BBX: variants seen among roughly 807,000 people sequenced by gnomAD.
BBX encodes the protein BBX high mobility group box domain containing.
Under a neutral mutation model 100.2 loss-of-function variants are expected in BBX, and 30 were observed. The observed-to-expected ratio is 0.30, with a 90% CI of 0.22 to 0.41. The LOEUF is 0.41. BBX is among the 10% of genes least tolerant of loss of function. The pLI is 1.00. For synonymous variants in BBX, 376 were observed against 388.1 expected (o/e 0.97, Z 0.37); for missense variants, 1,023 against 1,129.8 (o/e 0.91, Z 1.35).
intron 3 of BBX, among the ~76,000 whole-genome samples, chr3:107,672,979 A>AT (rs2059097812): frequency 6.6e-6 from 1 of 152,078 alleles, no homozygotes; most frequent in Admixed American, 6.6e-5. Context: ...TTTCATCTTG[A>AT]ACAGGTTCTA....
At chr3:107,643,156 G>A (rs1424574022) in intron 2 of BBX, among the ~76,000 whole-genome samples, 1 of 152,080 alleles carries the variant, frequency 6.6e-6, no homozygotes, top group African/African-American at 2.4e-5. Flanking sequence ...GTAGGAGGTG[G>A]CACCTCACCT....
At chr3:107,526,548 T>G (rs1576167328) in intron 2 of BBX, 150 bp downstream of exon 2, 1 of 394,298 alleles carries the variant, frequency 2.5e-6, no homozygotes, top group East Asian at 3.6e-5. Context: ...TAAGTCAGTT[T>G]ATGATTCTTA....
At chr3:107,626,523 T>G (rs1002397597) in intron 2 of BBX, among the ~76,000 whole-genome samples, 6 of 152,194 alleles carry the variant, frequency 3.9e-5, no homozygotes, top group Admixed American at 1.3e-4. Context: ...TGGCTTAGGC[T>G]CTATTCATGG....
chr3:107,583,935 A>G (rs2052476255), intron 2 of BBX, among the ~76,000 whole-genome samples: 1 of 102,070 alleles, frequency 9.8e-6, no homozygotes, highest in African/African-American at 4.0e-5. Context: ...TATAATATAT[A>G]TATTATATAT....
At chr3:107,741,375 A>G (rs1369484165) in intron 7 of BBX, among the ~76,000 whole-genome samples, 2 of 152,166 alleles carry the variant, frequency 1.3e-5, no homozygotes, top group Non-Finnish European at 2.9e-5. Context: ...CTCCCCTTCC[A>G]TGGTTATTGA....
intron 10 of BBX, among the ~76,000 whole-genome samples, chr3:107,768,254 G>C (rs1488308438): frequency 2.6e-5 from 4 of 152,134 alleles, no homozygotes; most frequent in Non-Finnish European, 5.9e-5. Context: ...TTTTCTATTT[G>C]GTATAGTTAC....
chr3:107,675,539 A>G (rs571519698), intron 3 of BBX, among the ~76,000 whole-genome samples: 1 of 152,202 alleles, frequency 6.6e-6, no homozygotes, highest in Non-Finnish European at 1.5e-5. Context: ...CTCTCTTCTC[A>G]TGATCATGGA....
intron 12 of BBX, among the ~76,000 whole-genome samples, chr3:107,775,689 T>C (rs1576751728): frequency 6.6e-6 from 1 of 152,152 alleles, no homozygotes; most frequent in Admixed American, 6.5e-5. Flanking sequence ...TTGGGTGTAT[T>C]GTATTTGATT....
intron 13 of BBX, 22 bp downstream of exon 13, chr3:107,778,541 C>T (rs769573404): frequency 6.2e-7 from 1 of 1,608,594 alleles, no homozygotes; most frequent in Non-Finnish European, 8.5e-7. Context: ...CCTGTACCTT[C>T]CTGCCATGTG....
At chr3:107,574,618 G>A (rs976300590) in intron 2 of BBX, among the ~76,000 whole-genome samples, 1 of 152,066 alleles carries the variant, frequency 6.6e-6, no homozygotes. Flanking sequence ...AATAAAATGG[G>A]TGAAAAGGTA....
intron 13 of BBX, among the ~76,000 whole-genome samples, chr3:107,789,021 C>T (rs1427071581): frequency 6.6e-6 from 1 of 152,016 alleles, no homozygotes; most frequent in Non-Finnish European, 1.5e-5. Flanking sequence ...GAGGGTGGGG[C>T]TATGCCATGG....
chr3:107,654,955 T>A (rs981455083), intron 3 of BBX, among the ~76,000 whole-genome samples: 2 of 152,146 alleles, frequency 1.3e-5, no homozygotes, highest in Non-Finnish European at 2.9e-5. Context: ...AAGTAAAAAA[T>A]GATCTATAAC....
chr3:107,685,869 A>G (rs2059819099), intron 3 of BBX, among the ~76,000 whole-genome samples: 1 of 152,344 alleles, frequency 6.6e-6, no homozygotes, highest in South Asian at 2.1e-4. Context: ...GAGAATAGCA[A>G]GGAACCCTGA....
intron 16 of BBX, among the ~76,000 whole-genome samples, chr3:107,799,561 C>A (rs2070186976): frequency 6.6e-6 from 1 of 151,986 alleles, no homozygotes; most frequent in Non-Finnish European, 1.5e-5. Context: ...TTTAAAGATA[C>A]TAGATGAATC....
chr3:107,662,369 T>G (rs1442240445), intron 3 of BBX, among the ~76,000 whole-genome samples: 1 of 152,082 alleles, frequency 6.6e-6, no homozygotes. Flanking sequence ...GAAATGAAAG[T>G]GCTAAGTTTC....
intron 2 of BBX, among the ~76,000 whole-genome samples, chr3:107,581,305 T>G: frequency 6.6e-6 from 1 of 152,182 alleles, no homozygotes; most frequent in African/African-American, 2.4e-5. Context: ...AAGAGAAATT[T>G]AAGACGTTTT....
At position 107,584,663 on chromosome 3, in the gene BBX, C is replaced by T. The variant is rs1024628577; in HGVS notation, c.-84+58265C>T. ...AGGCTTCTTTAAAAAGTGATTTTTC[C>T]GTTGAAATCTTTTTTTTTTTTTTTT... On this transcript the variant is annotated intron_variant, in intron 2 of 17. Transcript: ENST00000325805. Among the ~76,000 whole-genome samples the T allele has an allele frequency of 6.5e-5, 7 of 107,284 alleles. No individual in the cohort carries two copies. In the East Asian group the frequency reaches 8.5e-4, roughly 13 times the overall value. 70.4% of individuals were successfully genotyped at this position (107,284 alleles called of 152,430 possible). A position where few individuals can be genotyped will look rare whatever the true frequency, so the allele number is the denominator to read the frequency against.
intron 2 of BBX, among the ~76,000 whole-genome samples, chr3:107,559,167 A>T (rs2050302061): frequency 6.6e-6 from 1 of 152,230 alleles, no homozygotes; most frequent in Admixed American, 6.5e-5. Context: ...CCTAGATGCC[A>T]GACAAGTGAA....
At chr3:107,760,239 G>A (rs1475849042) in intron 10 of BBX, among the ~76,000 whole-genome samples, 1 of 152,222 alleles carries the variant, frequency 6.6e-6, no homozygotes, top group African/African-American at 2.4e-5. Context: ...AAAAGACTGT[G>A]CAAGTTGCTT....
Sources: gnomAD v4.1 joint callset for allele counts (sites outside exome capture counted in the v4.1 genomes callset) on GRCh38, gnomAD v4.1.1 for gene constraint, MANE v1.5 for transcripts, NCBI Gene and HGNC (gene_info 2026-07-23, HGNC 2026-07-21) for gene names.